Variants in FANCL observed in about 807,000 individuals in gnomAD.
FANCL encodes the protein E3 ubiquitin-protein ligase FANCL.
FANCL carries 69 observed loss-of-function variants against 59.4 expected under a neutral mutation model. The observed-to-expected ratio is 1.16, with a 90% confidence interval of 0.96 to 1.42. The LOEUF (loss-of-function observed/expected upper bound fraction) is 1.42, where lower values mean the gene tolerates loss of function less well. Ranked by LOEUF, FANCL falls within the 40% of genes most tolerant of loss-of-function variation. FANCL has a pLI of 0.00. For synonymous variants in FANCL, 180 were observed against 147.1 expected (o/e 1.22, Z -1.62); for missense variants, 519 against 447.2 (o/e 1.16, Z -1.45).
intron 7 of FANCL, among the ~76,000 whole-genome samples, chr2:58,176,077 G>A (rs945236584): frequency 1.3e-5 from 2 of 151,662 alleles, no homozygotes; most frequent in Non-Finnish European, 3.0e-5. Context: ...TACAAGGGAT[G>A]TGAAGGACCT....
chr2:58,164,386 C>T (rs1336766081), intron 8 of FANCL, among the ~76,000 whole-genome samples: 3 of 151,892 alleles, frequency 2.0e-5, no homozygotes, highest in Admixed American at 6.6e-5. Context: ...ACTAGCCATT[C>T]AATGAGACAA....
intron 6 of FANCL, among the ~76,000 whole-genome samples, chr2:58,201,962 T>C (rs571450894): frequency 6.6e-6 from 1 of 151,876 alleles, no homozygotes; most frequent in East Asian, 1.9e-4. Flanking sequence ...TGAGGTATGT[T>C]ATTAATAAAA....
At chr2:58,233,551 C>CA (rs1396034907) in intron 1 of FANCL, among the ~76,000 whole-genome samples, 1 of 151,878 alleles carries the variant, frequency 6.6e-6, no homozygotes. Context: ...AATAAAACCA[C>CA]AAAAATCCCA....
chr2:58,175,661 A>G (rs1687221188), intron 7 of FANCL, among the ~76,000 whole-genome samples: 1 of 152,220 alleles, frequency 6.6e-6, no homozygotes, highest in Non-Finnish European at 1.5e-5. Flanking sequence ...ATCTATGACA[A>G]ACCCACAGCC....
chr2:58,191,332 T>G (rs988163479), intron 7 of FANCL, among the ~76,000 whole-genome samples: 2 of 151,888 alleles, frequency 1.3e-5, no homozygotes, highest in Non-Finnish European at 2.9e-5. Context: ...AGACTGATAC[T>G]CACATGTTTT....
rs1362566339 is a variant in FANCL at position 58,194,378 on chromosome 2, C to T, written c.540+4216G>A. 6.6e-6 allele frequency: 3 copies of T among 452,334 alleles called. No individual in the cohort carries two copies. The East Asian group carries it at 2.1e-4, about 32-fold the overall frequency. The allele number at this position is 452,334 out of a possible 1,614,324, so 28.0% of individuals were successfully genotyped here. A position where few individuals can be genotyped will look rare whatever the true frequency, so the allele number is the denominator to read the frequency against. On this transcript the variant is annotated intron_variant, in intron 7 of 13. Transcript: ENST00000233741. The stretch of plus-strand genomic sequence containing the variant: ...CAGTCAAGAGTATTTACACATCTGA[C>T]CTGTATGTAAAATTCTAAAGCATTA...
intron 5 of FANCL, among the ~76,000 whole-genome samples, chr2:58,209,195 A>G (rs778417028): frequency 1.2e-4 from 19 of 152,090 alleles, no homozygotes; most frequent in Non-Finnish European, 2.8e-4. Context: ...TTTAATAAGG[A>G]ATATGAAAGC....
At chr2:58,220,654 A>T (rs1459432202) in intron 5 of FANCL, among the ~76,000 whole-genome samples, 1 of 152,216 alleles carries the variant, frequency 6.6e-6, no homozygotes. Context: ...TTCTGCACTT[A>T]AGATATGTTC....
At chr2:58,172,068 G>C (rs1686697477) in intron 7 of FANCL, among the ~76,000 whole-genome samples, 1 of 152,254 alleles carries the variant, frequency 6.6e-6, no homozygotes, top group African/African-American at 2.4e-5. Context: ...CCATTGCCCA[G>C]GCTAGCTTAG....
At chr2:58,175,353 A>T (rs1237037062) in intron 7 of FANCL, among the ~76,000 whole-genome samples, 10 of 149,938 alleles carry the variant, frequency 6.7e-5, no homozygotes, top group South Asian at 4.2e-4. Flanking sequence ...TTACACCAAT[A>T]TCCTTGATGA....
At chr2:58,167,249 A>G (rs1172962285) in intron 7 of FANCL, among the ~76,000 whole-genome samples, 2 of 152,178 alleles carry the variant, frequency 1.3e-5, no homozygotes, top group Non-Finnish European at 2.9e-5. Context: ...ATTAGAGCCT[A>G]ATACCCGAAA....
rs150427970 is a variant in FANCL at position 58,212,444 on chromosome 2, A to G, written c.375-8218T>C. Among the ~76,000 whole-genome samples the G allele has an allele frequency of 9.9e-5, 15 of 152,278 alleles. No individual in the cohort carries two copies. The East Asian group carries it at 2.7e-3, about 27-fold the overall frequency. Reference sequence around the variant, plus strand: ...CACAGGGGATACAGAACCAAACCATATCATAAAGTGATATGTATTTCTTCC... The same window carrying G: ...CACAGGGGATACAGAACCAAACCATGTCATAAAGTGATATGTATTTCTTCC... On this transcript the variant is annotated intron_variant, in intron 5 of 13. Transcript: ENST00000233741.
chr2:58,223,771 T>G (rs1034932351), intron 4 of FANCL, among the ~76,000 whole-genome samples: 1 of 151,972 alleles, frequency 6.6e-6, no homozygotes, highest in African/African-American at 2.4e-5. Context: ...ATTGTTCACT[T>G]GTTAAATATA....
rs772078142 is a variant in FANCL, at chr2:58,165,860, G to A, written c.555C>T (p.Ser185=). ...TTGCTGCCAAAAACTGACTATAAAT[G>A]CTTATTAAGGAGCTCTGTGAAAAAA... ...ASWTPQSSLI[S]IYSQFLAAIE... is the part of the protein sequence containing the mutation. The change falls in exon 8 of 14, where the codon AGC becomes AGT. Residue 185 remains serine (S), a synonymous_variant. Transcript: ENST00000233741. 2 of 1,613,776 alleles carry A rather than the reference G, an allele frequency of 1.2e-6. No individual in the cohort carries two copies. The highest frequency in any genetic ancestry group is 2.2e-5 in the South Asian group (2 of 91,068).
chr2:58,198,498 AG>A (rs1304308689), intron 7 of FANCL, 95 bp downstream of exon 7: 1 of 1,011,870 alleles, frequency 9.9e-7, no homozygotes, highest in African/African-American at 1.6e-5. Context: ...GTATTTACAG[AG>A]GGCCCAAGAA....
chr2:58,212,014 T>A (rs1046993379), intron 5 of FANCL, among the ~76,000 whole-genome samples: 1 of 152,198 alleles, frequency 6.6e-6, no homozygotes, highest in Non-Finnish European at 1.5e-5. Flanking sequence ...CGCTTCCACA[T>A]TTTCAGGTAT....
intron 1 of FANCL, among the ~76,000 whole-genome samples, chr2:58,233,588 C>T (rs990634385): frequency 5.3e-5 from 8 of 151,940 alleles, no homozygotes; most frequent in South Asian, 2.1e-4. Context: ...ACAGGGTACA[C>T]GATAAACCTC....
At chr2:58,230,133 A>C (rs904102160) in intron 2 of FANCL, among the ~76,000 whole-genome samples, 6 of 151,860 alleles carry the variant, frequency 4.0e-5, no homozygotes, top group Admixed American at 3.3e-4. Flanking sequence ...ACACATCCGA[A>C]GCAAAGTTTT....
intron 7 of FANCL, among the ~76,000 whole-genome samples, chr2:58,169,717 A>G (rs1686349038): frequency 6.6e-6 from 1 of 152,074 alleles, no homozygotes; most frequent in African/African-American, 2.4e-5. Context: ...AAATGACCTG[A>G]TGAAGCTGAA....
Sources: allele counts gnomAD v4.1 joint callset (sites outside exome capture counted in the v4.1 genomes callset), GRCh38; gene constraint gnomAD v4.1.1; transcripts MANE v1.5; gene names NCBI Gene and HGNC (gene_info 2026-07-23, HGNC 2026-07-21).